The following AGMO variants were observed in gnomAD, a reference collection of about 807,000 sequenced individuals.
The protein encoded by AGMO is alkylglycerol monooxygenase.
Under a neutral mutation model 60.2 loss-of-function variants are expected in AGMO, and 75 were observed. The observed-to-expected ratio is 1.25, with a 90% confidence interval of 1.03 to 1.51. The LOEUF (loss-of-function observed/expected upper bound fraction) is 1.51, where lower values mean the gene tolerates loss of function less well. AGMO is among the 40% of genes most tolerant of loss of function. The pLI is 0.00. For synonymous variants in AGMO, 261 were observed against 177.1 expected (o/e 1.47, Z -3.76); for missense variants, 763 against 525.5 (o/e 1.45, Z -4.42).
chr7:15,296,403 A>G (rs912345449), intron 12 of AGMO, among the ~76,000 whole-genome samples: 12 of 152,296 alleles, frequency 7.9e-5, no homozygotes, highest in African/African-American at 2.6e-4. Context: ...AATTTTTCCA[A>G]CTAGAAGCGT....
chr7:15,552,000 C>A (rs1299838607), intron 2 of AGMO, among the ~76,000 whole-genome samples: 2 of 151,876 alleles, frequency 1.3e-5, no homozygotes, highest in East Asian at 3.9e-4. Context: ...GAACAGAGCC[C>A]TCAGAAATAA....
chr7:15,510,201 T>C (rs945739133), intron 3 of AGMO, among the ~76,000 whole-genome samples: 3 of 152,136 alleles, frequency 2.0e-5, no homozygotes, highest in African/African-American at 7.2e-5. Flanking sequence ...GGTCTCACTC[T>C]GTCTCTCAGG....
chr7:15,118,380 C>G, the AGMO span, among the ~76,000 whole-genome samples: 2 of 151,984 alleles, frequency 1.3e-5, no homozygotes, highest in East Asian at 3.9e-4. Context: ...ATCTGCTATT[C>G]CATTTACACT....
chr7:15,460,102 TC>T (rs1288501424), intron 3 of AGMO, among the ~76,000 whole-genome samples: 1 of 122,862 alleles, frequency 8.1e-6, no homozygotes, highest in Non-Finnish European at 1.7e-5. Context: ...TTACCCAATT[TC>T]CCCTTTTTTT....
chr7:15,360,224 G>A (rs1782695257), intron 12 of AGMO, among the ~76,000 whole-genome samples: 1 of 152,190 alleles, frequency 6.6e-6, no homozygotes, highest in Admixed American at 6.5e-5. Context: ...TGGTTGGAAT[G>A]ACTGATAACA....
At chr7:15,259,495 T>C (rs1332737954) in intron 12 of AGMO, among the ~76,000 whole-genome samples, 3 of 152,034 alleles carry the variant, frequency 2.0e-5, no homozygotes, top group African/African-American at 2.4e-5. Context: ...GAGGGAATAA[T>C]TGAGGAAAAC....
chr7:15,229,706 AT>A (rs1782197314), intron 12 of AGMO, among the ~76,000 whole-genome samples: 1 of 133,202 alleles, frequency 7.5e-6, no homozygotes, highest in Admixed American at 7.5e-5. Flanking sequence ...AATTATTTAT[AT>A]ATATATTATA....
At chr7:15,492,322 T>C (rs1450717197) in intron 3 of AGMO, among the ~76,000 whole-genome samples, 3 of 147,398 alleles carry the variant, frequency 2.0e-5, no homozygotes, top group Admixed American at 6.8e-5. Flanking sequence ...ATGGAACCGA[T>C]TGCAAACCCT....
intron 12 of AGMO, among the ~76,000 whole-genome samples, chr7:15,320,601 G>GA (rs1781079051): frequency 6.6e-6 from 1 of 152,000 alleles, no homozygotes; most frequent in Non-Finnish European, 1.5e-5. Flanking sequence ...ATAAACTTAA[G>GA]AGTTTATTTT....
chr7:15,328,662 C>G (rs535920174), intron 12 of AGMO, among the ~76,000 whole-genome samples: 7 of 152,252 alleles, frequency 4.6e-5, no homozygotes, highest in African/African-American at 1.7e-4. Context: ...ATTTTTATTT[C>G]AAAGTAGTCA....
chr7:15,192,249 C>T, the AGMO span, among the ~76,000 whole-genome samples: 1 of 151,326 alleles, frequency 6.6e-6, no homozygotes, highest in Non-Finnish European at 1.5e-5. Flanking sequence ...TCCAAAATCA[C>T]CCTGGCCCGC....
At chr7:15,136,577 ATT>A in the AGMO span, among the ~76,000 whole-genome samples, 3 of 151,932 alleles carry the variant, frequency 2.0e-5, no homozygotes, top group African/African-American at 7.3e-5. Context: ...CTCCTTCTCC[ATT>A]GGGTCCAAAA....
intron 12 of AGMO, among the ~76,000 whole-genome samples, chr7:15,354,447 TGTGTGTATACACAC>T (rs1782417764): frequency 1.1e-4 from 2 of 18,774 alleles, no homozygotes; most frequent in East Asian, 1.8e-3. Context: ...TATACACACG[TGTGTGTATACACAC>T]GTGTGTGTAT....
chr7:15,531,552 A>C (rs1583656255), intron 3 of AGMO, among the ~76,000 whole-genome samples: 2 of 104,410 alleles, frequency 1.9e-5, no homozygotes, highest in African/African-American at 7.6e-5. Flanking sequence ...TATATTCTAT[A>C]TATATATTCT....
intron 12 of AGMO, among the ~76,000 whole-genome samples, chr7:15,349,796 G>A (rs1782169853): frequency 6.6e-6 from 1 of 152,100 alleles, no homozygotes; most frequent in South Asian, 2.1e-4. Flanking sequence ...AGTGAAGTGG[G>A]GAAAACCCCT....
chr7:15,306,431 G>A, intron 12 of AGMO: 1 of 452,520 alleles, frequency 2.2e-6, no homozygotes. Flanking sequence ...TAGAGAACTG[G>A]ATAATAGGAA....
intron 3 of AGMO, among the ~76,000 whole-genome samples, chr7:15,514,648 G>A (rs942750383): frequency 6.6e-6 from 1 of 152,122 alleles, no homozygotes; most frequent in South Asian, 2.1e-4. Context: ...ATGTGAAAAT[G>A]CATTTACATC....
At chr7:15,136,283 G>A in the AGMO span, among the ~76,000 whole-genome samples, 6 of 152,052 alleles carry the variant, frequency 3.9e-5, no homozygotes, top group East Asian at 7.8e-4. Context: ...ATGAGCCACC[G>A]CGCCTGGCCT....
chr7:15,172,638 A>T, the AGMO span, among the ~76,000 whole-genome samples: 1 of 152,260 alleles, frequency 6.6e-6, no homozygotes, highest in African/African-American at 2.4e-5. Flanking sequence ...GACCCAGAAG[A>T]GTTCCTCAAA....
Sources: allele counts gnomAD v4.1 joint callset (sites outside exome capture counted in the v4.1 genomes callset), GRCh38; gene constraint gnomAD v4.1.1; transcripts MANE v1.5; gene names NCBI Gene and HGNC (gene_info 2026-07-23, HGNC 2026-07-21).